The following ATRX variants were observed in gnomAD, a reference collection of about 807,000 sequenced individuals.
The protein encoded by ATRX is chromatin remodeler ATRX.
ATRX carries 12 observed loss-of-function variants against 172.6 expected under a neutral mutation model. The ratio of observed to expected loss-of-function variants is 0.07; its 90% CI spans 0.04 to 0.11. ATRX has a LOEUF of 0.11. Ranked by LOEUF, ATRX falls within the 10% of genes least tolerant of loss-of-function variation. The pLI, the probability that ATRX is intolerant of heterozygous loss-of-function variation, is 1.00. For missense variants in ATRX, 1,368 were observed against 1,767.4 expected, an observed-to-expected ratio of 0.77 and a Z score of 4.05; for synonymous variants, 674 against 594.7, an observed-to-expected ratio of 1.13 and a Z score of -1.94.
At chrX:77,544,268 A>G (rs2064141011) in intron 30 of ATRX, among the ~76,000 whole-genome samples, 1 of 111,423 alleles carries the variant, frequency 9.0e-6, no homozygotes, top group South Asian at 3.7e-4. Context: ...TTGAAAATTA[A>G]TTAACAATTT....
At chrX:77,636,857 A>G (rs2068383179) in intron 15 of ATRX, among the ~76,000 whole-genome samples, 1 of 102,021 alleles carries the variant, frequency 9.8e-6, no homozygotes, top group Non-Finnish European at 2.0e-5. Flanking sequence ...AAGGAGGAGG[A>G]AGGAGGGAGG....
intron 26 of ATRX, among the ~76,000 whole-genome samples, chrX:77,591,806 G>A (rs1169770503): frequency 8.9e-6 from 1 of 111,928 alleles, no homozygotes; most frequent in East Asian, 2.8e-4. Context: ...TCCCGTAAGT[G>A]AAAAAATTAA....
intron 13 of ATRX, among the ~76,000 whole-genome samples, chrX:77,656,308 G>A (rs1666127244): frequency 1.8e-5 from 2 of 111,446 alleles, no homozygotes; most frequent in African/African-American, 6.5e-5. Flanking sequence ...AATTTCCCCC[G>A]TAACAATAAA....
chrX:77,605,898 A>AGAAATG (rs371644548), intron 22 of ATRX, among the ~76,000 whole-genome samples: 12 of 112,055 alleles, frequency 1.1e-4, no homozygotes, highest in African/African-American at 3.2e-4. Flanking sequence ...AAATGAAATC[A>AGAAATG]GAAATGGAAA....
intron 5 of ATRX, among the ~76,000 whole-genome samples, chrX:77,694,404 G>A (rs1406611071): frequency 1.8e-5 from 2 of 111,170 alleles, no homozygotes; most frequent in East Asian, 2.8e-4. Flanking sequence ...TATTGCAAGG[G>A]AGGGGTATTG....
At chrX:77,564,536 C>T (rs1247147680) in intron 28 of ATRX, among the ~76,000 whole-genome samples, 1 of 110,658 alleles carries the variant, frequency 9.0e-6, no homozygotes, top group Non-Finnish European at 1.9e-5. Flanking sequence ...CAGAAATGCA[C>T]TAATGCACCC....
At chrX:77,661,658 A>C (rs2069916470) in intron 12 of ATRX, among the ~76,000 whole-genome samples, 2 of 110,854 alleles carry the variant, frequency 1.8e-5, no homozygotes, top group South Asian at 3.9e-4. Context: ...GCAACAACAA[A>C]AAAATTCTTT....
In ATRX at chrX:77,681,684, G is replaced by C. The variant is rs2148569833; in HGVS notation, c.3572C>G (p.Thr1191Arg). The C allele has an allele frequency of 8.3e-7, 1 of 1,208,471 alleles. No homozygotes were observed. The highest frequency in any genetic ancestry group is 1.1e-6 in the Non-Finnish European group (1 of 894,630). Reference sequence around the variant, plus strand: ...GTCAGCTTGCTTCCTTTTAGTGCTTGTTCTTAGGGAGTTTCTCTTTTTCTC... The same window carrying C: ...GTCAGCTTGCTTCCTTTTAGTGCTTCTTCTTAGGGAGTTTCTCTTTTTCTC... ...VKEKKRNSLR[T>R]STKRKQADIT... Residue 1191 changes from threonine to arginine, a missense_variant, in exon 9 of 35, where the codon ACA becomes AGA. Physicochemically the swap from Thr to Arg is moderately conservative, Grantham distance 71. Around this residue, in one of 17 missense-constraint regions of ATRX, gnomAD observed 843 missense variants for 643.1 expected, o/e 1.31. Transcript: ENST00000373344.
At chrX:77,563,454 G>C (rs782569790) in intron 28 of ATRX, among the ~76,000 whole-genome samples, 30 of 112,015 alleles carry the variant, frequency 2.7e-4, no homozygotes, top group Non-Finnish European at 4.7e-4. Flanking sequence ...TGGCCATTCA[G>C]ATATCGTCTT....
At chrX:77,602,637 A>C (rs1424754947) in intron 22 of ATRX, among the ~76,000 whole-genome samples, 1 of 109,680 alleles carries the variant, frequency 9.1e-6, no homozygotes, top group African/African-American at 3.3e-5. Flanking sequence ...GCATTTTTTA[A>C]TTTCCCTTGT....
intron 1 of ATRX, among the ~76,000 whole-genome samples, chrX:77,754,740 G>A (rs1217899639): frequency 6.3e-5 from 7 of 111,619 alleles, no homozygotes; most frequent in Admixed American, 9.6e-5. Context: ...TGGGTAACCC[G>A]ACCTTTCTCT....
chrX:77,730,895 T>A (rs1557175847), intron 1 of ATRX, among the ~76,000 whole-genome samples: 1 of 109,507 alleles, frequency 9.1e-6, no homozygotes, highest in Non-Finnish European at 1.9e-5. Context: ...ATACTTCAAA[T>A]AAACAACCTA....
intron 1 of ATRX, among the ~76,000 whole-genome samples, chrX:77,780,771 G>A (rs1557205166): frequency 9.1e-6 from 1 of 109,714 alleles, no homozygotes; most frequent in Non-Finnish European, 1.9e-5. Context: ...TGAGACCACT[G>A]TTTCTACAAA....
chrX:77,580,491 A>C (rs1480230523), intron 27 of ATRX, among the ~76,000 whole-genome samples: 1 of 112,247 alleles, frequency 8.9e-6, no homozygotes, highest in Non-Finnish European at 1.9e-5. Context: ...CTTTCAGGCC[A>C]GGAGAAGAGT....
intron 10 of ATRX, chrX:77,674,847 T>A (rs373111860): frequency 9.0e-6 from 1 of 111,386 alleles, no homozygotes; most frequent in East Asian, 2.8e-4. Context: ...GATGAATAAA[T>A]TGTATGCCCT....
At chrX:77,540,684 A>G (rs147826563) in intron 30 of ATRX, among the ~76,000 whole-genome samples, 6 of 112,217 alleles carry the variant, frequency 5.3e-5, no homozygotes, top group African/African-American at 1.6e-4. Flanking sequence ...GCACAACTAC[A>G]TGGAAACTGA....
At chrX:77,531,199 C>A (rs1390410853) in intron 30 of ATRX, among the ~76,000 whole-genome samples, 1 of 111,982 alleles carries the variant, frequency 8.9e-6, no homozygotes, top group African/African-American at 3.2e-5. Context: ...AATTCTACCA[C>A]AGGTACAAAG....
At chrX:77,757,888 T>A (rs781972444) in intron 1 of ATRX, among the ~76,000 whole-genome samples, 62 of 108,362 alleles carry the variant, frequency 5.7e-4, no homozygotes, top group African/African-American at 2.0e-3. Flanking sequence ...GCCAGGCTGG[T>A]CTTGAACTCC....
chrX:77,552,932 T>G lies in ATRX; in HGVS notation c.6699+4519A>C, dbSNP rs184938679. ...AAAAAACCTCATAAAAGCATGGAAT[T>G]TAATTATTACTTAGATAACAGCAAT... is the stretch of plus-strand genomic sequence containing the variant. On this transcript the variant is annotated intron_variant, in intron 30 of 34. Coordinates refer to ENST00000373344, the MANE Select transcript of ATRX (RefSeq NM_000489.6). 2.4e-4 allele frequency among the ~76,000 whole-genome samples: 27 copies of G among 111,573 alleles called. No individual in the cohort carries two copies. In the East Asian group the frequency reaches 7.3e-3, roughly 30 times the overall value.
Sources: allele counts gnomAD v4.1 joint callset (sites outside exome capture counted in the v4.1 genomes callset), GRCh38; gene constraint gnomAD v4.1.1; regional missense constraint gnomAD v4.1.1; transcripts MANE v1.5; gene names NCBI Gene and HGNC (gene_info 2026-07-23, HGNC 2026-07-21).